TSC2: variants seen among roughly 807,000 people sequenced by gnomAD.
The protein encoded by TSC2 is tuberin.
Under a neutral mutation model 202.2 loss-of-function variants are expected in TSC2, and 29 were observed. The observed-to-expected ratio is 0.14, with a 90% CI of 0.11 to 0.20. The LOEUF (loss-of-function observed/expected upper bound fraction) is 0.20. Ranked by LOEUF, TSC2 falls within the 10% of genes least tolerant of loss-of-function variation. The probability of loss-of-function intolerance (pLI) is 1.00; values close to 1 mark genes in which losing one functional copy is unlikely to be tolerated. For synonymous variants in TSC2, 1,349 were observed against 1,044.0 expected (o/e 1.29, Z -5.63); for missense variants, 2,429 against 2,420.0 (o/e 1.00, Z -0.08).
chr16:2,085,006 C>G lies in TSC2; in HGVS notation c.4549C>G (p.Pro1517Ala), dbSNP rs1057522800. 4.3e-6 allele frequency: 7 copies of G among 1,613,432 alleles called. No homozygotes were observed. Among genetic ancestry groups the G allele is most frequent in the African/African-American group, 1.3e-5 (1 of 75,062 alleles). The change falls in exon 35 of 42, where the codon CCA (proline) becomes GCA (alanine). Residue 1517 changes from proline (P) to alanine (A), a missense_variant. Physicochemically the swap from Pro to Ala is conservative, Grantham distance 27. Coordinates refer to ENST00000219476, the MANE Select transcript of TSC2 (RefSeq NM_000548.5). ...SPFFGDESNK[P>A]ILLPNESQSF... Reference sequence around the variant, plus strand: ...CTTCTTTGGCGACGAGTCAAACAAGCCAATCCTGCTGCCCAATGAGGTAGG... The same window carrying G: ...CTTCTTTGGCGACGAGTCAAACAAGGCAATCCTGCTGCCCAATGAGGTAGG...
rs397515130 is a variant in TSC2, at chr16:2,084,295, C to G, written c.4073C>G (p.Pro1358Arg). ...GAGGAGCTGGTTGGCAGGGGCATCC[C>G]CATCGAGCGAGTCGTCTCCTCGGAG... The part of the protein sequence containing the change: ...HAEELVGRGI[P>R]IERVVSSEGG... Residue 1358 changes from proline (P) to arginine (R), a missense_variant, in exon 34 of 42, where the codon CCC (proline) becomes CGC (arginine). Transcript: ENST00000219476. 6.2e-7 allele frequency: 1 copy of G among 1,612,590 alleles called. No homozygotes were observed. The highest frequency in any genetic ancestry group is 8.5e-7 in the Non-Finnish European group (1 of 1,179,902).
chr16:2,051,145 G>A lies in TSC2; in HGVS notation c.225+659G>A, dbSNP rs145961654. The stretch of plus-strand genomic sequence containing the variant: ...TCAAGACCACTCTGGCCAACATGGC[G>A]AAACCCCGTCTGTACTAAAAGATGA... On this transcript the variant is annotated intron_variant, in intron 3 of 41. Coordinates refer to ENST00000219476, the MANE Select transcript of TSC2 (RefSeq NM_000548.5). 6.9e-3 allele frequency among the ~76,000 whole-genome samples: 1,043 copies of A among 151,894 alleles called. 8 individuals carry two copies. The highest frequency in any genetic ancestry group is 0.024 in the African/African-American group (988 of 41,466).
Position 2,084,467 on chromosome 16 carries a change from G to T in TSC2, c.4245G>T (p.Lys1415Asn), listed in dbSNP as rs1431882138. 6.2e-7 allele frequency: 1 copy of T among 1,609,378 alleles called. No individual in the cohort carries two copies. The highest frequency in any genetic ancestry group is 1.3e-5 in the African/African-American group (1 of 74,960). Residue 1415 changes from lysine to asparagine, a missense_variant, in exon 34 of 42, where the codon AAG becomes AAT. Coordinates refer to ENST00000219476, the MANE Select transcript of TSC2 (RefSeq NM_000548.5). ...TGGGCCGGCTGAGCCCTGAGGTTAA[G>T]GCCCGGTCACAGTCAGGGACCCTGG... is the stretch of plus-strand genomic sequence containing the variant. ...ADVGRLSPEV[K>N]ARSQSGTLDG...
chr16:2,055,141 A>C, intron 5 of TSC2: 2 of 559,606 alleles, frequency 3.6e-6, no homozygotes, highest in Non-Finnish European at 3.3e-6. Flanking sequence ...TACGGCATAC[A>C]CACTTCTGCT....
intron 4 of TSC2, chr16:2,053,683 T>G: frequency 1.5e-6 from 1 of 660,062 alleles, no homozygotes; most frequent in South Asian, 1.5e-5. Flanking sequence ...ACCTTCCTCT[T>G]ATGGGATGTT....
At chr16:2,082,051 G>GT in intron 31 of TSC2, 1 of 623,048 alleles carries the variant, frequency 1.6e-6, no homozygotes. Flanking sequence ...AGCATCCTCC[G>GT]TGGGGAGTCC....
chr16:2,063,954 G>T, intron 14 of TSC2: 1 of 466,554 alleles, frequency 2.1e-6, no homozygotes, highest in Non-Finnish European at 4.0e-6. Context: ...AGCACCATGT[G>T]GGAGGGGTTC....
intron 22 of TSC2, 54 bp downstream of exon 22, chr16:2,074,443 T>C (rs2151358196): frequency 6.3e-7 from 1 of 1,595,044 alleles, no homozygotes; most frequent in Non-Finnish European, 8.5e-7. Flanking sequence ...CTGTGTAACC[T>C]GTGCGGGCTT....
rs1346536209 is a variant in TSC2, at chr16:2,079,927, G to T, written c.3398-238G>T. 6.6e-6 allele frequency among the ~76,000 whole-genome samples: 1 copy of T among 152,200 alleles called. No individual in the cohort carries two copies. The highest frequency in any genetic ancestry group is 1.5e-5 in the Non-Finnish European group (1 of 68,028). On this transcript the variant is annotated intron_variant, in intron 29 of 41. Coordinates refer to ENST00000219476, the MANE Select transcript of TSC2 (RefSeq NM_000548.5). This position sits in a 1 kb window ranked among gnomAD's most constrained non-coding sequence, Gnocchi z 4.6. ...GTTTTCAGCTCGGCTCAGTCCTGGA[G>T]CCCTTCTCTGCTCCAGCGAGCCGTG...
chr16:2,078,608 G>A, intron 26 of TSC2: 1 of 286,890 alleles, frequency 3.5e-6, no homozygotes, highest in South Asian at 3.7e-5. Context: ...CCTGCCTGAG[G>A]GTGACGGTGG....
intron 3 of TSC2, among the ~76,000 whole-genome samples, chr16:2,052,343 T>A (rs2085239668): frequency 6.6e-6 from 1 of 151,708 alleles, no homozygotes; most frequent in African/African-American, 2.4e-5. Flanking sequence ...AAGGTCTCAC[T>A]CTGTCACCCA....
rs2091272195 is a variant in TSC2, at chr16:2,088,875, GCGCGCGCACA to G, written c.*267_*276del. The G allele has an allele frequency of 2.0e-5, 10 of 487,808 alleles. No homozygotes were observed. The highest frequency in any genetic ancestry group is 1.7e-4 in the South Asian group (8 of 47,764). The allele number at this position is 487,808 out of a possible 1,614,324, so 30.2% of individuals were successfully genotyped here. On this transcript the variant is annotated 3_prime_UTR_variant, in exon 42 of 42. Transcript: ENST00000219476. Reference sequence around the variant, plus strand: ...GGCCATACAGCACACTCGCGCGTGCGCGCGCGCACACACACACACACACAGTCACCTTCCT... The same window carrying G: ...GGCCATACAGCACACTCGCGCGTGCGCACACACACACACAGTCACCTTCCT...
chr16:2,064,289 A>G lies in TSC2; in HGVS notation c.1461A>G (p.Ser487=). ...CTGTGCAGGAGGAGCTGATTAACTC[A>G]GTGGTCATCTCGCAGCTCTCCCACA... ...RQFYEEELIN[S]VVISQLSHIP... The change falls in exon 15 of 42, where the codon TCA becomes TCG. Residue 487 remains serine, a synonymous_variant. Coordinates refer to ENST00000219476, the MANE Select transcript of TSC2 (RefSeq NM_000548.5). 3 of 1,613,880 alleles carry G rather than the reference A, an allele frequency of 1.9e-6. No individual in the cohort carries two copies. Among genetic ancestry groups the G allele is most frequent in the Non-Finnish European group, 2.5e-6 (3 of 1,180,022 alleles).
chr16:2,069,221 A>G (rs902560812), intron 16 of TSC2, among the ~76,000 whole-genome samples: 1 of 152,182 alleles, frequency 6.6e-6, no homozygotes, highest in Non-Finnish European at 1.5e-5. Context: ...GGTGCCAGGC[A>G]CTGTGTGAAC....
chr16:2,062,017 C>T lies in TSC2; in HGVS notation c.1257+9C>T, dbSNP rs1166139497. On this transcript the variant is annotated intron_variant, in intron 12 of 41. Coordinates refer to ENST00000219476, the MANE Select transcript of TSC2 (RefSeq NM_000548.5). The stretch of plus-strand genomic sequence containing the variant: ...GTGCGGACCAGAGGCCTGTGAGACC[C>T]CCTCCTGGGTGGGGCCTTTGGGCTT... 3 of 1,613,988 alleles carry T rather than the reference C, an allele frequency of 1.9e-6. No homozygotes were observed. The highest frequency in any genetic ancestry group is 3.3e-5 in the Admixed American group (2 of 60,030).
At chr16:2,062,649 C>A in intron 13 of TSC2, 49 bp downstream of exon 13, 1 of 1,547,774 alleles carries the variant, frequency 6.5e-7, no homozygotes, top group Non-Finnish European at 8.8e-7. Context: ...CTGGCCCTGT[C>A]TCTGTCTGGG....
At chr16:2,084,808 T>C (rs2090560871) in intron 34 of TSC2, 93 bp downstream of exon 34, 12 of 1,597,822 alleles carry the variant, frequency 7.5e-6, no homozygotes, top group Admixed American at 1.7e-5. Flanking sequence ...TGGGGTGGGG[T>C]CCTCGCCTGT....
chr16:2,081,846 G>A (rs1390125302), intron 31 of TSC2, 48 bp downstream of exon 31: 1 of 1,594,660 alleles, frequency 6.3e-7, no homozygotes, highest in East Asian at 2.3e-5. Flanking sequence ...CCACTGGCCT[G>A]GTGCTCCCGG....
Position 2,064,251 on chromosome 16 carries a change from GC to G in TSC2, c.1444-19del. The G allele has an allele frequency of 1.2e-6, 2 of 1,613,854 alleles. No individual in the cohort carries two copies. The highest frequency in any genetic ancestry group is 1.7e-6 in the Non-Finnish European group (2 of 1,180,028). On this transcript the variant is annotated intron_variant, in intron 14 of 41. Transcript: ENST00000219476. ...GCCCTCGTTGGGCTGGCGCTCATTGGCCTCCCTTGTGCCTGTGCAGGAGGAG... is the reference window on the plus strand; with the variant it reads ...GCCCTCGTTGGGCTGGCGCTCATTGGCTCCCTTGTGCCTGTGCAGGAGGAG...
Sources: gnomAD v4.1 joint callset for allele counts (sites outside exome capture counted in the v4.1 genomes callset) on GRCh38, gnomAD v4.1.1 for gene constraint, Gnocchi (gnomAD v3.1) non-coding constraint, MANE v1.5 for transcripts, NCBI Gene and HGNC (gene_info 2026-07-23, HGNC 2026-07-21) for gene names.